ABHD12B: variants seen among roughly 807,000 people sequenced by gnomAD.
The protein encoded by ABHD12B is abhydrolase domain containing 12B, also known as protein ABHD12B.
In ABHD12B, 42 loss-of-function variants were observed where a neutral mutation model predicts 50.4. The observed-to-expected ratio is 0.83, with a 90% CI of 0.65 to 1.08. ABHD12B has a LOEUF of 1.08. ABHD12B is among the 50% of genes least tolerant of loss of function. The pLI is 0.00. For synonymous variants in ABHD12B, 167 were observed against 160.3 expected, an observed-to-expected ratio of 1.04 and a Z score of -0.32; for missense variants, 479 against 447.7, an observed-to-expected ratio of 1.07 and a Z score of -0.63.
At chr14:50,895,607 T>A (rs1020558681) in intron 9 of ABHD12B, 1 of 152,138 alleles carries the variant, frequency 6.6e-6, no homozygotes, top group Non-Finnish European at 1.5e-5. Flanking sequence ...GCTCTCTGAC[T>A]GACTCCTTCC....
chr14:50,889,991 A>T (rs1697868414), intron 9 of ABHD12B, among the ~76,000 whole-genome samples: 1 of 152,208 alleles, frequency 6.6e-6, no homozygotes, highest in Non-Finnish European at 1.5e-5. Flanking sequence ...GAGTTCACAT[A>T]ATCACATACT....
chr14:50,884,224 C>A (rs2142737449), intron 5 of ABHD12B, among the ~76,000 whole-genome samples: 1 of 152,244 alleles, frequency 6.6e-6, no homozygotes, highest in Non-Finnish European at 1.5e-5. Flanking sequence ...GAAATGAATT[C>A]TTAAGAGTAG....
intron 10 of ABHD12B, among the ~76,000 whole-genome samples, chr14:50,903,110 GT>G (rs36204047): frequency 1.1e-3 from 149 of 141,504 alleles, no homozygotes; most frequent in African/African-American, 2.9e-3. Flanking sequence ...AGTGTTTTTT[GT>G]TTTTTTTTTT....
chr14:50,886,224 G>A (rs1259419538), intron 7 of ABHD12B, among the ~76,000 whole-genome samples: 1 of 152,046 alleles, frequency 6.6e-6, no homozygotes, highest in African/African-American at 2.4e-5. Context: ...GATCACTTGA[G>A]GCCAGGAGTT....
intron 1 of ABHD12B, among the ~76,000 whole-genome samples, chr14:50,874,482 C>A (rs918214752): frequency 1.1e-4 from 16 of 152,226 alleles, no homozygotes; most frequent in African/African-American, 3.6e-4. Flanking sequence ...TGCCCGTAGT[C>A]CCAGCTACTC....
chr14:50,904,283 T>G, intron 12 of ABHD12B, 56 bp from the exon 13 acceptor site: 1 of 1,613,926 alleles, frequency 6.2e-7, no homozygotes, highest in Non-Finnish European at 8.5e-7. Flanking sequence ...ATGTATAATA[T>G]TTTGCTTATT....
chr14:50,876,986 A>G (rs2142720296), intron 1 of ABHD12B, among the ~76,000 whole-genome samples: 1 of 152,294 alleles, frequency 6.6e-6, no homozygotes, highest in South Asian at 2.1e-4. Flanking sequence ...GACCCTCACA[A>G]GAGAGGTGGC....
chr14:50,876,800 G>A (rs921947435), intron 1 of ABHD12B, among the ~76,000 whole-genome samples: 5 of 152,260 alleles, frequency 3.3e-5, no homozygotes, highest in Non-Finnish European at 5.9e-5. Flanking sequence ...TCAGGGCAGG[G>A]GAGACAATTT....
In ABHD12B at chr14:50,904,927, GC is replaced by G. The variant is rs2050312482; in HGVS notation, c.*566del. 1.2e-5 allele frequency: 3 copies of G among 242,706 alleles called. No homozygotes were observed. The highest frequency in any genetic ancestry group is 5.2e-5 in the Admixed American group (1 of 19,172). 15.0% of individuals were successfully genotyped at this position (242,706 alleles called of 1,614,324 possible). On this transcript the variant is annotated 3_prime_UTR_variant, in exon 13 of 13. Transcript: ENST00000337334. ...CAGTGCCTTGCTCTTGGACTTCCCA[GC>G]CCCCAGAACTGTGAGAAATAAATTT...
At chr14:50,887,917 C>T (rs555251344) in intron 8 of ABHD12B, among the ~76,000 whole-genome samples, 4 of 152,306 alleles carry the variant, frequency 2.6e-5, no homozygotes, top group South Asian at 2.1e-4. Flanking sequence ...AGTTTTGTCT[C>T]GTTTCTGATT....
chr14:50,894,583 G>A (rs1341965005), intron 9 of ABHD12B, among the ~76,000 whole-genome samples: 3 of 151,978 alleles, frequency 2.0e-5, no homozygotes, highest in Non-Finnish European at 4.4e-5. Context: ...AATACAAACC[G>A]ACAGTAGTTC....
intron 4 of ABHD12B, among the ~76,000 whole-genome samples, chr14:50,880,956 C>T (rs542891746): frequency 2.6e-5 from 4 of 152,298 alleles, no homozygotes; most frequent in Admixed American, 2.6e-4. Context: ...TTTCAGAACA[C>T]TACAGTGGAG....
At chr14:50,875,933 G>GC (rs1408930389) in intron 1 of ABHD12B, among the ~76,000 whole-genome samples, 3 of 152,152 alleles carry the variant, frequency 2.0e-5, no homozygotes, top group Non-Finnish European at 4.4e-5. Flanking sequence ...TCAAAAGACA[G>GC]CTTAGCTGGA....
chr14:50,894,997 T>C (rs2050176526), intron 9 of ABHD12B, among the ~76,000 whole-genome samples: 1 of 149,418 alleles, frequency 6.7e-6, no homozygotes, highest in South Asian at 2.1e-4. Context: ...CCCAGCAATT[T>C]ACTCTTAAAA....
At chr14:50,889,837 A>T (rs2142750268) in intron 9 of ABHD12B, among the ~76,000 whole-genome samples, 1 of 152,330 alleles carries the variant, frequency 6.6e-6, no homozygotes, top group East Asian at 1.9e-4. Flanking sequence ...ATACTGTAAG[A>T]CATCTTGGAG....
At chr14:50,899,920 TA>T (rs1326712749) in intron 9 of ABHD12B, among the ~76,000 whole-genome samples, 402 of 120,258 alleles carry the variant, frequency 3.3e-3, no homozygotes, top group Non-Finnish European at 3.2e-3. Flanking sequence ...AGACTCTGTC[TA>T]AAAAAAAAAA....
At chr14:50,885,233 A>G (rs2105228) in intron 5 of ABHD12B, among the ~76,000 whole-genome samples, 147,578 of 152,272 alleles carry the variant, frequency 0.97, 71,683 homozygotes, top group East Asian at 1. Flanking sequence ...TCAAAAATAC[A>G]TCTTTCCCCA....
rs1328708510 is a variant in ABHD12B, at chr14:50,872,269, G to A, written c.95G>A (p.Arg32His). The A allele has an allele frequency of 7.3e-7, 1 of 1,362,302 alleles. No individual in the cohort carries two copies. The highest frequency in any genetic ancestry group is 9.5e-7 in the Non-Finnish European group (1 of 1,054,634). 84.4% of individuals were successfully genotyped at this position (1,362,302 alleles called of 1,614,324 possible). A position where few individuals can be genotyped will look rare whatever the true frequency, so the allele number is the denominator to read the frequency against. Residue 32 changes from arginine (R) to histidine (H), a missense_variant, in exon 1 of 13, where the codon CGC becomes CAC. By Grantham distance (29) the Arg-to-His change is conservative. Transcript: ENST00000337334. ...GCCGCCTGGTGGGACATGGTCGACC[G>A]CAACCTGCGGTGAGTACCGCCCGGT... ...CVAAWWDMVD[R>H]NLRYFPHSCS...
intron 1 of ABHD12B, among the ~76,000 whole-genome samples, chr14:50,873,218 C>G (rs2049810470): frequency 6.6e-6 from 1 of 151,548 alleles, no homozygotes; most frequent in Non-Finnish European, 1.5e-5. Flanking sequence ...CTCTCTCTCT[C>G]TCTCTTTTTT....
Sources: allele counts gnomAD v4.1 joint callset (sites outside exome capture counted in the v4.1 genomes callset), GRCh38; gene constraint gnomAD v4.1.1; transcripts MANE v1.5; gene names NCBI Gene and HGNC (gene_info 2026-07-23, HGNC 2026-07-21).